Variants in FUT8 observed in about 807,000 individuals in gnomAD.
FUT8 encodes alpha-(1,6)-fucosyltransferase.
In FUT8, 29 loss-of-function variants were observed where a neutral mutation model predicts 71.3. The observed-to-expected ratio is 0.41, with a 90% CI of 0.30 to 0.55. The LOEUF is 0.55. Among genes scored for constraint, FUT8 ranks in the 20% least tolerant of loss-of-function variants. The pLI is 0.34. For missense variants in FUT8, 544 were observed against 702.1 expected (o/e 0.77, Z 2.55); for synonymous variants, 254 against 239.3 (o/e 1.06, Z -0.57).
intron 7 of FUT8, among the ~76,000 whole-genome samples, chr14:65,680,091 A>G (rs2140405720): frequency 6.6e-6 from 1 of 152,350 alleles, no homozygotes; most frequent in South Asian, 2.1e-4. Context: ...TCAGTACCTT[A>G]TAATTAGCTC....
At chr14:65,677,151 T>TGTGTGTGTGTGTGTGTGTGC in intron 7 of FUT8, among the ~76,000 whole-genome samples, 8 of 110,702 alleles carry the variant, frequency 7.2e-5, no homozygotes, top group South Asian at 3.0e-4. Context: ...TGTGTGTGTG[T>TGTGTGTGTGTGTGTGTGTGC]GCGCGCGCGC....
At chr14:65,606,111 C>T (rs751019583) in intron 3 of FUT8, among the ~76,000 whole-genome samples, 11 of 142,148 alleles carry the variant, frequency 7.7e-5, no homozygotes, top group Non-Finnish European at 1.1e-4. Context: ...CTCGCTCTGT[C>T]GCCCAGGCTG....
In FUT8 at chr14:65,460,999, C is replaced by CTG. The variant is rs546321520; in HGVS notation, c.-228+5293_-228+5294dup. On this transcript the variant is annotated intron_variant, in intron 2 of 10. Transcript: ENST00000673929. ...AAGTCATGTTAATGTACCTAGAAAG[C>CTG]TGTGTGTGTGTGTATTAGTTTTCTA... 1.3e-3 allele frequency among the ~76,000 whole-genome samples: 194 copies of CTG among 151,988 alleles called. 1 individual carries two copies. Among genetic ancestry groups the CTG allele is most frequent in the African/African-American group, 4.4e-3 (183 of 41,444 alleles).
chr14:65,670,990 G>T (rs1411460850), intron 7 of FUT8, among the ~76,000 whole-genome samples: 2 of 152,058 alleles, frequency 1.3e-5, no homozygotes, highest in Non-Finnish European at 2.9e-5. Context: ...CACTGATCTG[G>T]TCTGTACTTT....
chr14:65,557,333 C>T (rs1394314971), intron 2 of FUT8, among the ~76,000 whole-genome samples: 1 of 147,742 alleles, frequency 6.8e-6, no homozygotes, highest in African/African-American at 2.4e-5. Flanking sequence ...GTCTCTCTCT[C>T]CCCTTTTTTT....
chr14:65,544,304 C>G (rs1884859886), intron 2 of FUT8, among the ~76,000 whole-genome samples: 1 of 152,132 alleles, frequency 6.6e-6, no homozygotes, highest in African/African-American at 2.4e-5. Context: ...TGCATATTAT[C>G]ATAATCTTCA....
At chr14:65,609,941 T>C (rs2140196392) in intron 3 of FUT8, among the ~76,000 whole-genome samples, 1 of 152,064 alleles carries the variant, frequency 6.6e-6, no homozygotes, top group Non-Finnish European at 1.5e-5. Context: ...TTTTGCCAGA[T>C]TGATACTTAA....
At chr14:65,438,123 C>A (rs1221164040) in intron 1 of FUT8, among the ~76,000 whole-genome samples, 1 of 152,056 alleles carries the variant, frequency 6.6e-6, no homozygotes, top group African/African-American at 2.4e-5. Flanking sequence ...AGTTGTTTGT[C>A]CATTTCCTCT....
chr14:65,692,953 G>A (rs1893762952), intron 7 of FUT8, among the ~76,000 whole-genome samples: 1 of 152,000 alleles, frequency 6.6e-6, no homozygotes, highest in Admixed American at 6.5e-5. Flanking sequence ...TGGGATGGTG[G>A]CCGGGAAGAG....
At chr14:65,439,435 T>A (rs1002363589) in intron 1 of FUT8, among the ~76,000 whole-genome samples, 1 of 152,182 alleles carries the variant, frequency 6.6e-6, no homozygotes. Flanking sequence ...AGTAACTTGA[T>A]AATTTCAAGT....
intron 2 of FUT8, chr14:65,528,791 G>C (rs887468079): frequency 6.6e-6 from 1 of 152,104 alleles, no homozygotes; most frequent in African/African-American, 2.4e-5. Flanking sequence ...AAGTTATATG[G>C]CTTCATTGGA....
Position 65,439,954 on chromosome 14 carries a change from G to GTGTACGTATT in FUT8, c.-325-15666_-325-15665insGTACGTATTT. Among the ~76,000 whole-genome samples the GTGTACGTATT allele has an allele frequency of 2.7e-5, 2 of 74,984 alleles. 1 individual carries two copies. The highest frequency in any genetic ancestry group is 5.0e-5 in the Non-Finnish European group (2 of 40,304). The allele number at this position is 74,984 out of a possible 152,430, so 49.2% of individuals were successfully genotyped here. The stretch of plus-strand genomic sequence containing the variant: ...ATAAAGAAAATGTGTGTGTGTGTGT[G>GTGTACGTATT]TATATATATATATATATATATATAT... On this transcript the variant is annotated intron_variant, in intron 1 of 10. Coordinates refer to ENST00000673929, the MANE Select transcript of FUT8 (RefSeq NM_001371533.1).
the FUT8 span, among the ~76,000 whole-genome samples, chr14:65,387,866 C>G: frequency 6.6e-6 from 1 of 152,130 alleles, no homozygotes. Flanking sequence ...CCATGTTATT[C>G]CATCATGACC....
chr14:65,444,157 A>G (rs1167152866), intron 1 of FUT8, among the ~76,000 whole-genome samples: 3 of 152,210 alleles, frequency 2.0e-5, no homozygotes, highest in African/African-American at 7.2e-5. Context: ...TAGTTCTTTG[A>G]CAAGTAGAGT....
At chr14:65,740,239 T>C (rs1403106642) in intron 10 of FUT8, among the ~76,000 whole-genome samples, 1 of 152,080 alleles carries the variant, frequency 6.6e-6, no homozygotes, top group Non-Finnish European at 1.5e-5. Flanking sequence ...ATTTTGGTTC[T>C]ATATCTAGTT....
chr14:65,442,734 G>A (rs1044555177), intron 1 of FUT8, among the ~76,000 whole-genome samples: 4 of 151,296 alleles, frequency 2.6e-5, no homozygotes, highest in Non-Finnish European at 5.9e-5. Context: ...TACTTGGGAC[G>A]CTGAGATGAG....
At chr14:65,584,953 G>A (rs557502044) in intron 3 of FUT8, among the ~76,000 whole-genome samples, 13 of 152,172 alleles carry the variant, frequency 8.5e-5, no homozygotes, top group South Asian at 2.1e-4. Flanking sequence ...ACAATAGTAC[G>A]TATTGCATTT....
At chr14:65,441,425 A>G (rs1362433062) in intron 1 of FUT8, among the ~76,000 whole-genome samples, 1 of 152,180 alleles carries the variant, frequency 6.6e-6, no homozygotes, top group Non-Finnish European at 1.5e-5. Context: ...TTTGTTTAGT[A>G]GGTAAATTAT....
chr14:65,641,475 A>G (rs1890825202), intron 6 of FUT8, among the ~76,000 whole-genome samples: 1 of 152,168 alleles, frequency 6.6e-6, no homozygotes, highest in African/African-American at 2.4e-5. Context: ...GTGAATATTT[A>G]TGTACAAGCC....
Sources: gnomAD v4.1 joint callset for allele counts (sites outside exome capture counted in the v4.1 genomes callset) on GRCh38, gnomAD v4.1.1 for gene constraint, MANE v1.5 for transcripts, NCBI Gene and HGNC (gene_info 2026-07-23, HGNC 2026-07-21) for gene names.